Variants in PGM3 observed in about 807,000 individuals in gnomAD.
PGM3 encodes the protein phosphoacetylglucosamine mutase.
In PGM3, 40 loss-of-function variants were observed where a neutral mutation model predicts 66.2. The observed-to-expected ratio is 0.60, with a 90% CI of 0.47 to 0.79. The LOEUF is 0.79. Among genes scored for constraint, PGM3 ranks in the 30% least tolerant of loss-of-function variants. PGM3 has a pLI of 0.00. For synonymous variants in PGM3, 191 were observed against 224.2 expected, an observed-to-expected ratio of 0.85 and a Z score of 1.32; for missense variants, 537 against 643.4, an observed-to-expected ratio of 0.83 and a Z score of 1.79.
chr6:83,182,063 AT>A (rs1217247981), intron 5 of PGM3, 132 bp from the exon 6 acceptor site: 4 of 515,876 alleles, frequency 7.8e-6, no homozygotes, highest in African/African-American at 3.9e-5. Context: ...TTTATCAATT[AT>A]AATTGTGTTC....
the PGM3 span, chr6:83,153,388 G>T: frequency 1.8e-6 from 1 of 543,664 alleles, no homozygotes; most frequent in Non-Finnish European, 3.1e-6. Context: ...GATTCAGGAA[G>T]ATTTAATTTT....
At chr6:83,182,599 C>G (rs1788256550) in intron 5 of PGM3, among the ~76,000 whole-genome samples, 1 of 152,094 alleles carries the variant, frequency 6.6e-6, no homozygotes, top group African/African-American at 2.4e-5. Flanking sequence ...TCGTCAAGAC[C>G]CCCACCATGT....
intron 12 of PGM3, 108 bp downstream of exon 12, chr6:83,170,197 C>A: frequency 3.0e-6 from 3 of 1,016,516 alleles, no homozygotes; most frequent in South Asian, 1.6e-5. Context: ...AAAGGCTCAA[C>A]AAAATAAAGC....
At chr6:83,158,874 A>G (rs1187726787), downstream of PGM3, among the ~76,000 whole-genome samples, 1 of 152,226 alleles carries the variant, frequency 6.6e-6, no homozygotes, top group Non-Finnish European at 1.5e-5. Context: ...TGTTTCAGCT[A>G]CATGAGCTAG....
At chr6:83,192,091 C>A (rs1216272897) in intron 1 of PGM3, among the ~76,000 whole-genome samples, 6 of 151,758 alleles carry the variant, frequency 4.0e-5, no homozygotes, top group Admixed American at 1.3e-4. Context: ...ATGGTGAGAC[C>A]CTTGTCTCTA....
intron 1 of PGM3, among the ~76,000 whole-genome samples, chr6:83,191,958 C>CAAAAAAAAA (rs1219337174): frequency 1.5e-4 from 6 of 39,362 alleles, no homozygotes; most frequent in African/African-American, 5.1e-4. Flanking sequence ...GACTCGGTCT[C>CAAAAAAAAA]AAAAAAAAAA....
chr6:83,172,577 T>C (rs1187068528), intron 10 of PGM3, among the ~76,000 whole-genome samples: 1 of 151,916 alleles, frequency 6.6e-6, no homozygotes. Context: ...GAGAATTGCT[T>C]GAGCCCGGGA....
chr6:83,155,973 C>T, the PGM3 span: 1 of 1,613,700 alleles, frequency 6.2e-7, no homozygotes, highest in Non-Finnish European at 8.5e-7. Flanking sequence ...TGGCTCAAAG[C>T]AGTTCACTTA....
At chr6:83,173,659 G>A (rs1322834816) in intron 10 of PGM3, among the ~76,000 whole-genome samples, 2 of 152,098 alleles carry the variant, frequency 1.3e-5, no homozygotes, top group African/African-American at 4.8e-5. Flanking sequence ...TCTACCCTGA[G>A]TACTGCTTTT....
rs753575171 is a variant in PGM3, at chr6:83,169,288, C to CA, written c.1574dup (p.Leu525PhefsTer40). Reference sequence around the variant, plus strand: ...TTCCTCCAGCCAGCTGAAATACTGCCAAGCTCACTTCATGTGCAAGGTGAT... The same window carrying CA: ...TTCCTCCAGCCAGCTGAAATACTGCCAAAGCTCACTTCATGTGCAAGGTGAT... On this transcript the variant is annotated frameshift_variant, in exon 13 of 13. Coordinates refer to ENST00000513973, the MANE Select transcript of PGM3 (RefSeq NM_015599.3). LOFTEE classifies it high-confidence loss of function. The CA allele has an allele frequency of 6.2e-7, 1 of 1,613,756 alleles. No homozygotes were observed. The highest frequency in any genetic ancestry group is 1.3e-5 in the African/African-American group (1 of 74,910).
At position 83,171,920 on chromosome 6, in the gene PGM3, T is replaced by C. The variant is rs758969022; in HGVS notation, c.1365+17A>G. 9.4e-6 allele frequency: 15 copies of C among 1,602,812 alleles called. No individual in the cohort carries two copies. The highest frequency in any genetic ancestry group is 8.0e-5 in the African/African-American group (6 of 74,578). ...TAGCTAATATTCAAAAAAGTTACTT[T>C]AAAGTTTCTCTCACACCTGAACTTT... On this transcript the variant is annotated intron_variant, in intron 11 of 12. Transcript: ENST00000513973.
At chr6:83,152,211 TACACACAC>T in the PGM3 span, 14 of 698,784 alleles carry the variant, frequency 2.0e-5, no homozygotes, top group South Asian at 5.2e-5. Context: ...ATAAAAATAA[TACACACAC>T]ACACACACAC....
At chr6:83,162,482 CTAA>C (rs567564541), downstream of PGM3, among the ~76,000 whole-genome samples, 148 of 152,224 alleles carry the variant, frequency 9.7e-4, no homozygotes, top group Non-Finnish European at 1.7e-3. Context: ...TGCCTGTTCG[CTAA>C]TGAGAAAAGA....
Position 83,186,593 on chromosome 6 carries a change from G to C in PGM3, c.457+415C>G, listed in dbSNP as rs539082876. On this transcript the variant is annotated intron_variant, in intron 4 of 12. Transcript: ENST00000513973. ...TTTGATATAACATAAAGAACTACCT[G>C]TCAAAAATATTTCCCATCACTACTT... 1.3e-4 allele frequency among the ~76,000 whole-genome samples: 20 copies of C among 152,278 alleles called. No individual in the cohort carries two copies. In the East Asian group the frequency reaches 3.7e-3, roughly 28 times the overall value.
At chr6:83,158,712 T>G, downstream of PGM3, 1 of 849,076 alleles carries the variant, frequency 1.2e-6, no homozygotes, top group Non-Finnish European at 1.8e-6. Flanking sequence ...AATATAGTCT[T>G]TTTCTGAATA....
chr6:83,167,944 G>A lies in PGM3; in HGVS notation c.*1290C>T. ...CTGCTCACCATCTGCACCGTGCGCA[G>A]TATGGAGCAGCTCCTGCCGTTCTTC... On this transcript the variant is annotated 3_prime_UTR_variant, in exon 13 of 13. Transcript: ENST00000513973. 1 of 1,614,172 alleles carries A rather than the reference G, an allele frequency of 6.2e-7. No individual in the cohort carries two copies. Among genetic ancestry groups the A allele is most frequent in the Non-Finnish European group, 8.5e-7 (1 of 1,180,028 alleles).
At chr6:83,159,828 C>A, downstream of PGM3, 1 of 1,614,166 alleles carries the variant, frequency 6.2e-7, no homozygotes, top group Non-Finnish European at 8.5e-7. Flanking sequence ...GGTCTGGAGA[C>A]AACGTACACA....
At chr6:83,148,720 GT>G in the PGM3 span, 1 of 1,362,108 alleles carries the variant, frequency 7.3e-7, no homozygotes, top group Non-Finnish European at 1.0e-6. Context: ...GAAAACCATA[GT>G]TTATTGTGGC....
At chr6:83,179,264 A>G (rs1171801390) in intron 7 of PGM3, among the ~76,000 whole-genome samples, 1 of 151,230 alleles carries the variant, frequency 6.6e-6, no homozygotes, top group East Asian at 1.9e-4. Context: ...ATGAGCCGAG[A>G]TCACGCCCCT....
Sources: gnomAD v4.1 joint callset for allele counts (sites outside exome capture counted in the v4.1 genomes callset) on GRCh38, gnomAD v4.1.1 for gene constraint, MANE v1.5 for transcripts, NCBI Gene and HGNC (gene_info 2026-07-23, HGNC 2026-07-21) for gene names.